Variants in FLT1 observed in about 807,000 individuals in gnomAD.
FLT1 encodes fms related receptor tyrosine kinase 1.
Under a neutral mutation model 156.3 loss-of-function variants are expected in FLT1, and 49 were observed. That is an observed-to-expected ratio of 0.31 (90% CI 0.25 to 0.40). The LOEUF is 0.40. Among genes scored for constraint, FLT1 ranks in the 10% least tolerant of loss-of-function variants. The pLI is 1.00. For missense variants in FLT1, 1,322 were observed against 1,637.2 expected, an observed-to-expected ratio of 0.81 and a Z score of 3.32; for synonymous variants, 594 against 583.8, an observed-to-expected ratio of 1.02 and a Z score of -0.25.
In FLT1 at chr13:28,434,179, G is replaced by T. The variant is rs950419374; in HGVS notation, c.555C>A (p.Ile185=). The change falls in exon 5 of 30, where the codon ATC becomes ATA. Residue 185 remains isoleucine (I), a synonymous_variant. Coordinates refer to ENST00000282397, the MANE Select transcript of FLT1 (RefSeq NM_002019.4). ...TGATGAAGCCCTTTCTACTGTCCCA[G>T]ATTATGCGTTTTCCATCAGGGATCA... is the stretch of plus-strand genomic sequence containing the variant. The part of the protein sequence containing the change: ...DTLIPDGKRI[I]WDSRKGFIIS... 1 of 1,614,086 alleles carries T rather than the reference G, an allele frequency of 6.2e-7. No homozygotes were observed. Among genetic ancestry groups the T allele is most frequent in the Admixed American group, 1.7e-5 (1 of 60,010 alleles).
intron 14 of FLT1, among the ~76,000 whole-genome samples, chr13:28,365,359 CTT>C (rs1032993616): frequency 6.9e-6 from 1 of 145,040 alleles, no homozygotes. Flanking sequence ...GTAGAACTCC[CTT>C]TTTTTTTTTG....
intron 14 of FLT1, among the ~76,000 whole-genome samples, chr13:28,375,542 C>T (rs1471816316): frequency 6.6e-6 from 1 of 152,222 alleles, no homozygotes; most frequent in Admixed American, 6.5e-5. Context: ...CTCCTTTCTT[C>T]TACCTCCTAA....
At chr13:28,319,090 T>C (rs1269729557) in intron 24 of FLT1, among the ~76,000 whole-genome samples, 1 of 151,592 alleles carries the variant, frequency 6.6e-6, no homozygotes, top group Admixed American at 6.6e-5. Context: ...GCATTAGAGG[T>C]GTGGGTGTTG....
chr13:28,368,497 G>A lies in FLT1; in HGVS notation c.2117-10812C>T, dbSNP rs146777349. The A allele has an allele frequency of 6.9e-4, 1,061 of 1,531,372 alleles. 6 individuals are homozygous for A. The African/African-American group carries it at 0.013, about 19-fold the overall frequency. The allele number at this position is 1,531,372 out of a possible 1,614,324, so 94.9% of individuals were successfully genotyped here. A position where few individuals can be genotyped will look rare whatever the true frequency, so the allele number is the denominator to read the frequency against. On this transcript the variant is annotated intron_variant, in intron 14 of 29. Transcript: ENST00000282397. ...TCTTGGCTCTCCAACTAAAGGATAAGTTCTTTGAAGTTGACACATAATAGT... is the reference window on the plus strand; with the variant it reads ...TCTTGGCTCTCCAACTAAAGGATAAATTCTTTGAAGTTGACACATAATAGT...
chr13:28,303,871 G>C (rs963942980), intron 29 of FLT1, among the ~76,000 whole-genome samples: 2 of 152,164 alleles, frequency 1.3e-5, no homozygotes, highest in African/African-American at 4.8e-5. Flanking sequence ...ACACACACAA[G>C]TGAGTGCCTC....
intron 3 of FLT1, among the ~76,000 whole-genome samples, chr13:28,464,910 G>A (rs950833790): frequency 6.6e-6 from 1 of 152,146 alleles, no homozygotes; most frequent in Non-Finnish European, 1.5e-5. Flanking sequence ...TAAACCTATA[G>A]GAGAAAGTTT....
intron 3 of FLT1, among the ~76,000 whole-genome samples, chr13:28,463,676 T>C (rs1879708223): frequency 6.6e-6 from 1 of 152,196 alleles, no homozygotes; most frequent in Non-Finnish European, 1.5e-5. Flanking sequence ...TGGAGTTTTA[T>C]TAATGCCAGA....
intron 11 of FLT1, chr13:28,399,169 C>A: frequency 7.5e-7 from 1 of 1,338,414 alleles, no homozygotes. Context: ...CTTACATTGT[C>A]TCAGGAAGCT....
intron 14 of FLT1, chr13:28,368,422 G>C (rs1203832800): frequency 6.9e-7 from 1 of 1,450,350 alleles, no homozygotes; most frequent in African/African-American, 1.4e-5. Context: ...AAAGTGCTGG[G>C]ATTACAGGCG....
intron 22 of FLT1, among the ~76,000 whole-genome samples, chr13:28,321,950 C>T (rs937190096): frequency 6.6e-6 from 1 of 152,218 alleles, no homozygotes; most frequent in Admixed American, 6.5e-5. Context: ...AATAGTAGCT[C>T]TCCTATGAAG....
chr13:28,416,022 T>C (rs762477153), intron 10 of FLT1, among the ~76,000 whole-genome samples: 1 of 152,226 alleles, frequency 6.6e-6, no homozygotes, highest in Non-Finnish European at 1.5e-5. Context: ...CTAAAAGTAC[T>C]AGAAGTACCA....
rs1871574376 is a variant in FLT1 at position 28,323,883 on chromosome 13, G to GCTTTTTTTCT, written c.2797-947_2797-938dup. Reference sequence around the variant, plus strand: ...TGGGGAAGGAGGGAACATGGACATTGCTTTTTTTCTCTTCCATTTAAACAA... The same window carrying GCTTTTTTTCT: ...TGGGGAAGGAGGGAACATGGACATTGCTTTTTTTCTCTTTTTTTCTCTTCCATTTAAACAA... On this transcript the variant is annotated intron_variant, in intron 20 of 29. Coordinates refer to ENST00000282397, the MANE Select transcript of FLT1 (RefSeq NM_002019.4). Among the ~76,000 whole-genome samples, 4 of 152,168 alleles carry GCTTTTTTTCT rather than the reference G, an allele frequency of 2.6e-5. No individual in the cohort carries two copies. In the South Asian group the frequency reaches 6.2e-4, roughly 24 times the overall value.
At chr13:28,405,231 G>A (rs940801119) in intron 11 of FLT1, among the ~76,000 whole-genome samples, 5 of 152,138 alleles carry the variant, frequency 3.3e-5, no homozygotes, top group Non-Finnish European at 7.4e-5. Flanking sequence ...TGAGGTCAAG[G>A]AATCTTGATA....
chr13:28,307,608 A>G (rs964288030), intron 28 of FLT1, among the ~76,000 whole-genome samples: 1 of 150,510 alleles, frequency 6.6e-6, no homozygotes, highest in African/African-American at 2.4e-5. Context: ...TTAAAATAAT[A>G]TTTCCCTTTA....
rs764710480 is a variant in FLT1 at position 28,389,860 on chromosome 13, G to A, written c.1905C>T (p.Ala635=). 6.2e-6 allele frequency: 10 copies of A among 1,614,098 alleles called. No individual in the cohort carries two copies. The highest frequency in any genetic ancestry group is 2.2e-5 in the South Asian group (2 of 91,076). Residue 635 remains alanine (A), a synonymous_variant, in exon 13 of 30, where the codon GCC becomes GCT. Transcript: ENST00000282397. ...CTGTGTATACATTCCTGGCTCTGCA[G>A]GCATAGGTGCCTGAATCTTGCAGGG... ...NVSLQDSGTY[A]CRARNVYTGE...
intron 3 of FLT1, among the ~76,000 whole-genome samples, chr13:28,443,329 C>T (rs1878435324): frequency 6.6e-6 from 1 of 152,200 alleles, no homozygotes; most frequent in Non-Finnish European, 1.5e-5. Flanking sequence ...CTTTTGAAAT[C>T]TGTAATCATG....
At chr13:28,344,770 G>A (rs1269741408) in intron 16 of FLT1, among the ~76,000 whole-genome samples, 1 of 138,464 alleles carries the variant, frequency 7.2e-6, no homozygotes, top group East Asian at 2.2e-4. Context: ...TGTTATGAGA[G>A]AAGTCAAAGG....
chr13:28,323,047 T>C, intron 20 of FLT1, 101 bp from the exon 21 acceptor site: 1 of 1,269,626 alleles, frequency 7.9e-7, no homozygotes, highest in Non-Finnish European at 1.1e-6. Flanking sequence ...AATGAGAGCG[T>C]TTCACTTCTC....
chr13:28,346,853 T>C (rs1872585182), intron 15 of FLT1, among the ~76,000 whole-genome samples: 1 of 152,210 alleles, frequency 6.6e-6, no homozygotes, highest in African/African-American at 2.4e-5. Flanking sequence ...ATTCTAAGCA[T>C]GCAAACTATG....
Sources: gnomAD v4.1 joint callset for allele counts (sites outside exome capture counted in the v4.1 genomes callset) on GRCh38, gnomAD v4.1.1 for gene constraint, MANE v1.5 for transcripts, NCBI Gene and HGNC (gene_info 2026-07-23, HGNC 2026-07-21) for gene names.